Variants in CXADR observed in about 807,000 individuals in gnomAD.
CXADR encodes the protein coxsackievirus and adenovirus receptor.
Under a neutral mutation model 40.3 loss-of-function variants are expected in CXADR, and 20 were observed. The ratio of observed to expected loss-of-function variants is 0.50; its 90% CI spans 0.35 to 0.72. The LOEUF (loss-of-function observed/expected upper bound fraction) is 0.72. Ranked by LOEUF, CXADR falls within the 30% of genes least tolerant of loss-of-function variation. The pLI is 0.01. For synonymous variants in CXADR, 150 were observed against 161.3 expected (o/e 0.93, Z 0.53); for missense variants, 332 against 449.1 (o/e 0.74, Z 2.36).
At chr21:17,518,829 C>G in intron 1 of CXADR, 1 of 1,562,610 alleles carries the variant, frequency 6.4e-7, no homozygotes, top group Non-Finnish European at 8.8e-7. Flanking sequence ...TCATGTTCAT[C>G]TCTTCAATAC....
chr21:17,559,688 T>TCCCGAGACAAGGGGTC (rs2061086865), intron 4 of CXADR, among the ~76,000 whole-genome samples: 1 of 148,668 alleles, frequency 6.7e-6, no homozygotes, highest in Non-Finnish European at 1.5e-5. Flanking sequence ...TTTTTTTTTT[T>TCCCGAGACAAGGGGTC]TTTCCGAGAC....
chr21:17,568,769 G>A lies in CXADR; in HGVS notation c.*3077G>A, dbSNP rs453096. 333,688 of 984,400 alleles carry A rather than the reference G, an allele frequency of 0.34. 57,409 individuals carry two copies. Among genetic ancestry groups the A allele is most frequent in the African/African-American group, 0.48 (27,649 of 57,028 alleles). 61.0% of individuals were successfully genotyped at this position (984,400 alleles called of 1,614,324 possible). On this transcript the variant is annotated 3_prime_UTR_variant, in exon 7 of 7. Coordinates refer to ENST00000284878, the MANE Select transcript of CXADR (RefSeq NM_001338.5). ...TAATCTTAACTAATATGATTCCCTT[G>A]TTAGAGAGCCTCTCACTCCCCCACC...
At chr21:17,596,862 G>A (rs1187383230), downstream of CXADR, among the ~76,000 whole-genome samples, 2 of 152,010 alleles carry the variant, frequency 1.3e-5, no homozygotes, top group Admixed American at 6.6e-5. Context: ...CGTTTTTTAA[G>A]ATATGAATAA....
intron 1 of CXADR, chr21:17,518,948 C>G (rs773198767): frequency 1.2e-5 from 20 of 1,608,814 alleles, no homozygotes; most frequent in Non-Finnish European, 1.7e-5. Flanking sequence ...CCCTTGCCCC[C>G]TATCCGGACC....
the CXADR span, among the ~76,000 whole-genome samples, chr21:17,623,966 A>C: frequency 1.3e-5 from 2 of 152,206 alleles, no homozygotes; most frequent in Non-Finnish European, 2.9e-5. Flanking sequence ...AAGCTGTTGC[A>C]TGAATGATGG....
At chr21:17,575,658 T>A (rs1485946218) in intron 7 of CXADR, among the ~76,000 whole-genome samples, 1 of 150,590 alleles carries the variant, frequency 6.6e-6, no homozygotes, top group Non-Finnish European at 1.5e-5. Flanking sequence ...GCCCAGCTAA[T>A]TTTTTTTTAT....
In CXADR at chr21:17,518,043, C is replaced by T. The variant is rs576817854; in HGVS notation, c.43+4871C>T. 8.5e-5 allele frequency among the ~76,000 whole-genome samples: 13 copies of T among 152,182 alleles called. No homozygotes were observed. The South Asian group carries it at 1.9e-3, about 22-fold the overall frequency. ...TTAACCAAGCAGATTAAAATCAAAC[C>T]ACTAATGGTAAAAATCTCTTCAGAT... is the stretch of plus-strand genomic sequence containing the variant. On this transcript the variant is annotated intron_variant, in intron 1 of 6. Transcript: ENST00000284878.
At chr21:17,582,909 T>C (rs1003869129) in intron 7 of CXADR, among the ~76,000 whole-genome samples, 3 of 152,362 alleles carry the variant, frequency 2.0e-5, no homozygotes, top group Middle Eastern at 3.4e-3. Context: ...TTTTAATGTT[T>C]CTAAGTAAGA....
the CXADR span, among the ~76,000 whole-genome samples, chr21:17,602,743 T>C: frequency 6.6e-6 from 1 of 152,328 alleles, no homozygotes; most frequent in East Asian, 1.9e-4. Flanking sequence ...AGTTTTTTCC[T>C]ACCAGGCATC....
intron 7 of CXADR, chr21:17,576,934 A>G (rs1048706726): frequency 2.0e-5 from 3 of 152,216 alleles, no homozygotes; most frequent in Admixed American, 6.5e-5. Flanking sequence ...AAAAAGCACT[A>G]TATTTATAGT....
At chr21:17,562,449 G>A (rs1223837961) in intron 6 of CXADR, among the ~76,000 whole-genome samples, 4 of 152,162 alleles carry the variant, frequency 2.6e-5, no homozygotes, top group Non-Finnish European at 5.9e-5. Flanking sequence ...AGCTTTCCGA[G>A]TATCTGGGAC....
intron 3 of CXADR, among the ~76,000 whole-genome samples, chr21:17,558,330 A>G (rs759267065): frequency 1.2e-4 from 18 of 151,992 alleles, no homozygotes; most frequent in Non-Finnish European, 5.9e-5. Flanking sequence ...GAGTCTCGCT[A>G]TGTTACCCAG....
intron 6 of CXADR, among the ~76,000 whole-genome samples, chr21:17,564,048 A>G (rs1042528087): frequency 1.3e-5 from 2 of 151,856 alleles, no homozygotes; most frequent in East Asian, 1.9e-4. Flanking sequence ...TGCAGTAAGT[A>G]TCTATGAAGT....
At chr21:17,525,010 G>A (rs772611165) in intron 1 of CXADR, among the ~76,000 whole-genome samples, 6 of 152,112 alleles carry the variant, frequency 3.9e-5, no homozygotes, top group Non-Finnish European at 8.8e-5. Flanking sequence ...CAGAAGAAAA[G>A]ACTTTCTTGA....
chr21:17,620,754 A>T, the CXADR span, among the ~76,000 whole-genome samples: 1 of 152,218 alleles, frequency 6.6e-6, no homozygotes, highest in Non-Finnish European at 1.5e-5. Context: ...AACTTTATTA[A>T]TCAGGGTCCT....
chr21:17,593,143 T>G, intron 7 of CXADR: 1 of 1,412,512 alleles, frequency 7.1e-7, no homozygotes, highest in African/African-American at 1.5e-5. Context: ...TCTTTTTTTC[T>G]TTTTGTAGTT....
At chr21:17,518,814 T>C in intron 1 of CXADR, 1 of 1,567,516 alleles carries the variant, frequency 6.4e-7, no homozygotes. Flanking sequence ...TCCCATCATC[T>C]TTAATCATGT....
At chr21:17,632,482 G>A in the CXADR span, among the ~76,000 whole-genome samples, 1 of 152,148 alleles carries the variant, frequency 6.6e-6, no homozygotes, top group Non-Finnish European at 1.5e-5. Context: ...AACTCAAAGG[G>A]GGTTAGAACA....
intron 1 of CXADR, among the ~76,000 whole-genome samples, chr21:17,523,466 T>G (rs952600910): frequency 1.3e-5 from 2 of 152,170 alleles, no homozygotes; most frequent in African/African-American, 4.8e-5. Context: ...GAGTGGAGTT[T>G]ATATCACCAC....
Sources: gnomAD v4.1 joint callset for allele counts (sites outside exome capture counted in the v4.1 genomes callset) on GRCh38, gnomAD v4.1.1 for gene constraint, MANE v1.5 for transcripts, NCBI Gene and HGNC (gene_info 2026-07-23, HGNC 2026-07-21) for gene names.